CXCL14: variants seen among roughly 807,000 people sequenced by gnomAD.
CXCL14 encodes C-X-C motif chemokine 14.
A neutral mutation model predicts 16.1 loss-of-function variants in CXCL14; 9 were observed. That is an observed-to-expected ratio of 0.56 (90% CI 0.34 to 0.97). The LOEUF (loss-of-function observed/expected upper bound fraction) is 0.97. Among genes scored for constraint, CXCL14 ranks in the 50% least tolerant of loss-of-function variants. CXCL14 has a pLI of 0.02. For missense variants in CXCL14, 111 were observed against 132.5 expected, an observed-to-expected ratio of 0.84 and a Z score of 0.80; for synonymous variants, 55 against 52.8, an observed-to-expected ratio of 1.04 and a Z score of -0.18.
rs566365690 is a variant in CXCL14 at position 135,571,742 on chromosome 5, CTTTTTTTTTTTTTTTTTTTTTT to C, written c.*89_*110del. 7,158 of 459,580 alleles carry C rather than the reference CTTTTTTTTTTTTTTTTTTTTTT, an allele frequency of 0.016. 191 individuals are homozygous for C. Among genetic ancestry groups the C allele is most frequent in the African/African-American group, 0.057 (1,339 of 23,540 alleles). The allele number at this position is 459,580 out of a possible 1,614,324, so 28.5% of individuals were successfully genotyped here. ...GTCTTATGCCTGTGAGAAAGAAAGG[CTTTTTTTTTTTTTTTTTTTTTT>C]TTTTTTTTTTTTTTTTTTTTTAATC... is the stretch of plus-strand genomic sequence containing the variant. On this transcript the variant is annotated 3_prime_UTR_variant, in exon 4 of 4. Transcript: ENST00000512158.
intron 3 of CXCL14, 121 bp downstream of exon 3, chr5:135,574,451 A>G: frequency 1.4e-6 from 1 of 707,980 alleles, no homozygotes; most frequent in East Asian, 2.7e-5. Context: ...TTTGCTGTGG[A>G]TGTTGTGGTG....
At position 135,571,741 on chromosome 5, in the gene CXCL14, G is replaced by GC. The variant is rs1751031390; in HGVS notation, c.*111dup. ...TGTCTTATGCCTGTGAGAAAGAAAG[G>GC]CTTTTTTTTTTTTTTTTTTTTTTTT... On this transcript the variant is annotated 3_prime_UTR_variant, in exon 4 of 4. Transcript: ENST00000512158. The GC allele has an allele frequency of 6.3e-6, 4 of 636,440 alleles. No individual in the cohort carries two copies. In the Admixed American group the frequency reaches 2.0e-4, roughly 32 times the overall value. 39.4% of individuals were successfully genotyped at this position (636,440 alleles called of 1,614,324 possible).
intron 2 of CXCL14, among the ~76,000 whole-genome samples, chr5:135,577,982 G>A (rs539374049): frequency 1.3e-5 from 2 of 152,332 alleles, no homozygotes; most frequent in African/African-American, 4.8e-5. Context: ...ACTGGAACAA[G>A]GCTCTGAAGG....
intron 2 of CXCL14, among the ~76,000 whole-genome samples, chr5:135,578,087 G>A (rs1751140144): frequency 6.6e-6 from 1 of 152,216 alleles, no homozygotes; most frequent in Admixed American, 6.5e-5. Flanking sequence ...TGTTTTAAGT[G>A]ATTTCAGTCT....
At chr5:135,575,627 C>CAAAAGATG (rs1362567909) in intron 2 of CXCL14, among the ~76,000 whole-genome samples, 2 of 152,166 alleles carry the variant, frequency 1.3e-5, no homozygotes, top group Admixed American at 6.5e-5. Context: ...ATGAAGTGGC[C>CAAAAGATG]AAGGGGAAAG....
At chr5:135,573,061 T>C (rs1433947429) in intron 3 of CXCL14, among the ~76,000 whole-genome samples, 3 of 150,404 alleles carry the variant, frequency 2.0e-5, no homozygotes, top group Non-Finnish European at 4.4e-5. Context: ...AGCAGGGCCA[T>C]GTTTAGACCT....
chr5:135,578,214 G>A (rs1751143923), intron 2 of CXCL14, among the ~76,000 whole-genome samples: 1 of 152,184 alleles, frequency 6.6e-6, no homozygotes, highest in African/African-American at 2.4e-5. Context: ...GGTGAACTTG[G>A]AGGCGCTGTT....
intron 2 of CXCL14, among the ~76,000 whole-genome samples, chr5:135,577,590 A>G (rs958888034): frequency 1.3e-5 from 2 of 152,222 alleles, no homozygotes; most frequent in Non-Finnish European, 2.9e-5. Flanking sequence ...GACTGAGAAT[A>G]AAGTGCGTCC....
Position 135,574,655 on chromosome 5 carries a change from T to G in CXCL14, c.201A>C (p.Arg67=). The change falls in exon 3 of 4, where the codon CGA becomes CGC. Residue 67 remains arginine (R), a synonymous_variant. Transcript: ENST00000512158. ...TGGGGTGCAGGCAGTGCTCCTGACC[T>G]CGGTACCTGGACACGCTCTTGGTGG... The part of the protein sequence containing the change: ...IITTKSVSRY[R]GQEHCLHPKL... 6.2e-7 allele frequency: 1 copy of G among 1,613,652 alleles called. No individual in the cohort carries two copies. The highest frequency in any genetic ancestry group is 2.2e-5 in the East Asian group (1 of 44,868).
At chr5:135,575,413 G>C (rs1751084492) in intron 2 of CXCL14, among the ~76,000 whole-genome samples, 1 of 152,190 alleles carries the variant, frequency 6.6e-6, no homozygotes, top group Non-Finnish European at 1.5e-5. Context: ...CAGACTGTAA[G>C]GGCCTGGGAC....
At chr5:135,578,584 C>G (rs757876485) in intron 1 of CXCL14, 45 bp from the exon 2 acceptor site, 27 of 1,604,102 alleles carry the variant, frequency 1.7e-5, no homozygotes, top group Non-Finnish European at 2.2e-5. Context: ...AGGCGGTCTC[C>G]TGCCCCTCGA....
rs566365690 is a variant in CXCL14, at chr5:135,571,742, C to CTTTTTTTTTTTTTT, written c.*97_*110dup. 8 of 460,626 alleles carry CTTTTTTTTTTTTTT rather than the reference C, an allele frequency of 1.7e-5. 1 individual carries two copies. Among genetic ancestry groups the CTTTTTTTTTTTTTT allele is most frequent in the South Asian group, 7.8e-5 (3 of 38,588 alleles). 28.5% of individuals were successfully genotyped at this position (460,626 alleles called of 1,614,324 possible). On this transcript the variant is annotated 3_prime_UTR_variant, in exon 4 of 4. Coordinates refer to ENST00000512158, the MANE Select transcript of CXCL14 (RefSeq NM_004887.5). ...GTCTTATGCCTGTGAGAAAGAAAGGCTTTTTTTTTTTTTTTTTTTTTTTTT... is the reference window on the plus strand; with the variant it reads ...GTCTTATGCCTGTGAGAAAGAAAGGCTTTTTTTTTTTTTTTTTTTTTTTTTTTTTTTTTTTTTTT...
intron 2 of CXCL14, among the ~76,000 whole-genome samples, chr5:135,575,855 T>C (rs1012197860): frequency 2.0e-5 from 3 of 152,202 alleles, no homozygotes; most frequent in African/African-American, 7.2e-5. Context: ...GGAATGGGCT[T>C]GGAGGGCAAA....
At position 135,578,724 on chromosome 5, in the gene CXCL14, G is replaced by A; in HGVS notation, c.55C>T (p.Arg19Cys). 1.3e-6 allele frequency: 2 copies of A among 1,550,726 alleles called. No homozygotes were observed. The highest frequency in any genetic ancestry group is 1.7e-6 in the Non-Finnish European group (2 of 1,147,118). ...LLLLLALYTA[R>C]VDGSKCKCSR... ...AGCTCCCCGCACTCACCGTCCACAC[G>A]CGCGGTGTACAGCGCCAGCAGCAGC... The change falls in exon 1 of 4, where the codon CGT becomes TGT. Residue 19 changes from arginine to cysteine, a missense_variant. Transcript: ENST00000512158.
At chr5:135,573,043 A>G (rs1751049663) in intron 3 of CXCL14, among the ~76,000 whole-genome samples, 1 of 134,290 alleles carries the variant, frequency 7.4e-6, no homozygotes, top group African/African-American at 4.0e-5. Flanking sequence ...ATTTTCAGGA[A>G]AAAAAAAAGC....
At chr5:135,576,381 C>A (rs1751098284) in intron 2 of CXCL14, among the ~76,000 whole-genome samples, 1 of 152,232 alleles carries the variant, frequency 6.6e-6, no homozygotes. Context: ...GATAAAAACC[C>A]TTTCTCAGTT....
At chr5:135,575,751 C>T (rs115581448) in intron 2 of CXCL14, among the ~76,000 whole-genome samples, 2 of 152,214 alleles carry the variant, frequency 1.3e-5, no homozygotes, top group African/African-American at 2.4e-5. Flanking sequence ...TAAGAGACCA[C>T]CTAGGGTATT....
At chr5:135,572,599 C>A (rs1199869081) in intron 3 of CXCL14, among the ~76,000 whole-genome samples, 2 of 152,230 alleles carry the variant, frequency 1.3e-5, no homozygotes, top group African/African-American at 2.4e-5. Flanking sequence ...TGCCCTGGGG[C>A]CATACGTTAC....
chr5:135,573,551 T>G (rs992454299), intron 3 of CXCL14, among the ~76,000 whole-genome samples: 1 of 152,058 alleles, frequency 6.6e-6, no homozygotes, highest in African/African-American at 2.4e-5. Context: ...GGGCAGCTGG[T>G]GGGGTAGCAC....
Sources: allele counts gnomAD v4.1 joint callset (sites outside exome capture counted in the v4.1 genomes callset), GRCh38; gene constraint gnomAD v4.1.1; transcripts MANE v1.5; gene names NCBI Gene and HGNC (gene_info 2026-07-23, HGNC 2026-07-21).